The following ARHGAP44 variants were observed in gnomAD, a reference collection of about 807,000 sequenced individuals.
ARHGAP44 encodes rho GTPase-activating protein 44.
ARHGAP44 carries 43 observed loss-of-function variants against 106.8 expected under a neutral mutation model. The ratio of observed to expected loss-of-function variants is 0.40; its 90% CI spans 0.32 to 0.52. The LOEUF is 0.52. Ranked by LOEUF, ARHGAP44 falls within the 20% of genes least tolerant of loss-of-function variation. The probability of loss-of-function intolerance (pLI) is 0.48; values close to 1 mark genes in which losing one functional copy is unlikely to be tolerated. For synonymous variants in ARHGAP44, 439 were observed against 410.3 expected (o/e 1.07, Z -0.85); for missense variants, 866 against 1,050.5 (o/e 0.82, Z 2.43).
chr17:12,914,974 A>C lies in ARHGAP44; in HGVS notation c.276-926A>C, dbSNP rs543879659. On this transcript the variant is annotated intron_variant, in intron 4 of 20. Coordinates refer to ENST00000379672, the MANE Select transcript of ARHGAP44 (RefSeq NM_014859.6). ...ATGTGAAAATCTGAACAGGAAAGGA[A>C]TATCCTCACAGTAAAAAGGCAGTTA... is the stretch of plus-strand genomic sequence containing the variant. 1.2e-3 allele frequency among the ~76,000 whole-genome samples: 189 copies of C among 152,278 alleles called. 2 individuals are homozygous for C. Among genetic ancestry groups the C allele is most frequent in the African/African-American group, 3.2e-3 (135 of 41,550 alleles).
At chr17:12,830,139 T>C (rs2035041905) in intron 1 of ARHGAP44, among the ~76,000 whole-genome samples, 1 of 152,210 alleles carries the variant, frequency 6.6e-6, no homozygotes, top group Non-Finnish European at 1.5e-5. Flanking sequence ...GAAGCCTTTT[T>C]AGTAAATATT....
chr17:12,980,058 C>T lies in ARHGAP44; in HGVS notation c.1764C>T (p.Ser588=), dbSNP rs746952141. The change falls in exon 19 of 21, where the codon AGC becomes AGT. Residue 588 remains serine (S), a splice_region_variant and synonymous_variant. Transcript: ENST00000379672. The stretch of plus-strand genomic sequence containing the variant: ...TTTGTCTCATGTGCTTTCGTTTCAG[C>T]ACAACAAAAAGCAAGGAACTTTCTC... ...LGLQPGPERT[S]TTKSKELSPG... is the part of the protein sequence containing the mutation. The T allele has an allele frequency of 6.2e-7, 1 of 1,600,258 alleles. No homozygotes were observed.
At chr17:12,820,139 T>C (rs2034723338) in intron 1 of ARHGAP44, among the ~76,000 whole-genome samples, 1 of 152,150 alleles carries the variant, frequency 6.6e-6, no homozygotes, top group South Asian at 2.1e-4. Context: ...TCCAGCAGCA[T>C]TTATTCCCCA....
chr17:12,795,494 C>G (rs994912492), intron 1 of ARHGAP44, among the ~76,000 whole-genome samples: 1 of 151,750 alleles, frequency 6.6e-6, no homozygotes, highest in African/African-American at 2.4e-5. Flanking sequence ...TTTTCCTTCC[C>G]AGTTTGTCTC....
At chr17:12,881,867 AT>A (rs944860961) in intron 1 of ARHGAP44, among the ~76,000 whole-genome samples, 4 of 151,802 alleles carry the variant, frequency 2.6e-5, no homozygotes, top group Non-Finnish European at 5.9e-5. Context: ...CTATGTTTTC[AT>A]TTTTGTAAGA....
At chr17:12,852,153 G>A (rs16946696) in intron 1 of ARHGAP44, among the ~76,000 whole-genome samples, 35,776 of 136,970 alleles carry the variant, frequency 0.26, 6,258 homozygotes, top group African/African-American at 0.49. Flanking sequence ...TAAGGTTAAA[G>A]TCTATCCCAC....
At chr17:12,840,616 T>C (rs1475400155) in intron 1 of ARHGAP44, among the ~76,000 whole-genome samples, 1 of 151,872 alleles carries the variant, frequency 6.6e-6, no homozygotes, top group African/African-American at 2.4e-5. Context: ...ATTGGGATGG[T>C]TCATCTGGGC....
Position 12,870,937 on chromosome 17 carries a change from T to G in ARHGAP44, c.54-24003T>G, listed in dbSNP as rs952156566. Among the ~76,000 whole-genome samples, 16 of 152,212 alleles carry G rather than the reference T, an allele frequency of 1.1e-4. 1 individual carries two copies. The highest frequency in any genetic ancestry group is 3.6e-4 in the African/African-American group (15 of 41,448). Reference sequence around the variant, plus strand: ...TCTACTCTTTTCTTTCCTTCTCTACTTTTGGCTTTGGTCAATTTTTTTCTT... The same window carrying G: ...TCTACTCTTTTCTTTCCTTCTCTACGTTTGGCTTTGGTCAATTTTTTTCTT... On this transcript the variant is annotated intron_variant, in intron 1 of 20. Coordinates refer to ENST00000379672, the MANE Select transcript of ARHGAP44 (RefSeq NM_014859.6).
chr17:12,800,239 C>A (rs2034049396), intron 1 of ARHGAP44, among the ~76,000 whole-genome samples: 1 of 152,168 alleles, frequency 6.6e-6, no homozygotes, highest in Admixed American at 6.5e-5. Flanking sequence ...TCTCCTTTTC[C>A]CAAATCAAGC....
chr17:12,933,181 C>A (rs2038449908), intron 7 of ARHGAP44, among the ~76,000 whole-genome samples: 1 of 152,176 alleles, frequency 6.6e-6, no homozygotes, highest in African/African-American at 2.4e-5. Context: ...TGCTGGGTTT[C>A]CTCGAATGGG....
At chr17:12,915,526 C>T (rs2037882964) in intron 4 of ARHGAP44, among the ~76,000 whole-genome samples, 1 of 152,020 alleles carries the variant, frequency 6.6e-6, no homozygotes, top group African/African-American at 2.4e-5. Flanking sequence ...TCTATCAGGA[C>T]CTATTGAAAT....
chr17:12,874,673 A>C (rs951325440), intron 1 of ARHGAP44, among the ~76,000 whole-genome samples: 1 of 151,896 alleles, frequency 6.6e-6, no homozygotes, highest in African/African-American at 2.4e-5. Flanking sequence ...TGGAGGTTGC[A>C]GTGAGCCAAG....
At chr17:12,946,551 C>T (rs1598099134) in intron 10 of ARHGAP44, among the ~76,000 whole-genome samples, 1 of 150,218 alleles carries the variant, frequency 6.7e-6, no homozygotes, top group Non-Finnish European at 1.5e-5. Context: ...CTAATCCCAA[C>T]ACTTTGGGAG....
chr17:12,938,646 A>G (rs1028950425), intron 7 of ARHGAP44, among the ~76,000 whole-genome samples: 1 of 150,804 alleles, frequency 6.6e-6, no homozygotes, highest in South Asian at 2.1e-4. Flanking sequence ...TTACTTTTAT[A>G]TTTTTCTGAG....
intron 1 of ARHGAP44, among the ~76,000 whole-genome samples, chr17:12,816,445 C>T (rs1398734365): frequency 1.3e-5 from 2 of 151,332 alleles, no homozygotes; most frequent in South Asian, 2.1e-4. Context: ...TAGGGAAAGT[C>T]ATAAATCTTA....
At chr17:12,826,271 C>G (rs2034917183) in intron 1 of ARHGAP44, among the ~76,000 whole-genome samples, 1 of 152,142 alleles carries the variant, frequency 6.6e-6, no homozygotes, top group East Asian at 1.9e-4. Flanking sequence ...TGTTGATCCC[C>G]TCTATGTGTC....
At chr17:12,966,175 C>A (rs867061758) in intron 16 of ARHGAP44, among the ~76,000 whole-genome samples, 1 of 144,634 alleles carries the variant, frequency 6.9e-6, no homozygotes, top group Non-Finnish European at 1.5e-5. Context: ...AAAAAAAATC[C>A]TTGAAAGAGA....
At chr17:12,841,444 G>A (rs773448524) in intron 1 of ARHGAP44, among the ~76,000 whole-genome samples, 2 of 151,800 alleles carry the variant, frequency 1.3e-5, no homozygotes, top group African/African-American at 2.4e-5. Flanking sequence ...ACAAAAATTA[G>A]GTGTGGTGGT....
At chr17:12,847,244 G>A (rs1256222054) in intron 1 of ARHGAP44, among the ~76,000 whole-genome samples, 2 of 152,128 alleles carry the variant, frequency 1.3e-5, no homozygotes, top group Non-Finnish European at 2.9e-5. Flanking sequence ...TCTACAAAGT[G>A]GAGGTTACAT....
Sources: allele counts gnomAD v4.1 joint callset (sites outside exome capture counted in the v4.1 genomes callset), GRCh38; gene constraint gnomAD v4.1.1; transcripts MANE v1.5; gene names NCBI Gene and HGNC (gene_info 2026-07-23, HGNC 2026-07-21).